PSD3: variants seen among roughly 807,000 people sequenced by gnomAD.
PSD3 encodes PH and SEC7 domain-containing protein 3.
PSD3 carries 49 observed loss-of-function variants against 105.5 expected under a neutral mutation model. The observed-to-expected ratio is 0.46, with a 90% confidence interval of 0.37 to 0.59. The LOEUF (loss-of-function observed/expected upper bound fraction) is 0.59, where lower values mean the gene tolerates loss of function less well. Ranked by LOEUF, PSD3 falls within the 20% of genes least tolerant of loss-of-function variation. The probability of loss-of-function intolerance (pLI) is 0.00; values close to 1 mark genes in which losing one functional copy is unlikely to be tolerated. For missense variants in PSD3, 1,561 were observed against 1,263.8 expected (o/e 1.24, Z -3.57); for synonymous variants, 557 against 457.8 (o/e 1.22, Z -2.77).
chr8:18,806,453 T>A (rs1429333250), intron 4 of PSD3, among the ~76,000 whole-genome samples: 17 of 152,198 alleles, frequency 1.1e-4, no homozygotes, highest in Non-Finnish European at 1.5e-4. Context: ...ACAGTGAAAC[T>A]AATGAGGATA....
intron 14 of PSD3, among the ~76,000 whole-genome samples, chr8:18,569,485 G>A (rs1274002490): frequency 6.7e-6 from 1 of 149,188 alleles, no homozygotes; most frequent in African/African-American, 2.5e-5. Flanking sequence ...GCCAAATCAT[G>A]AGTGAACTCC....
intron 12 of PSD3, among the ~76,000 whole-genome samples, chr8:18,599,787 T>C (rs1408618499): frequency 6.6e-6 from 1 of 152,148 alleles, no homozygotes; most frequent in Non-Finnish European, 1.5e-5. Flanking sequence ...CTTGAGTATG[T>C]GGGGACTTTG....
At chr8:18,615,581 C>T (rs1463547664) in intron 11 of PSD3, among the ~76,000 whole-genome samples, 6 of 152,230 alleles carry the variant, frequency 3.9e-5, no homozygotes, top group South Asian at 2.1e-4. Context: ...TTGATAAGTT[C>T]GTTTATGTGA....
chr8:18,949,246 T>A (rs10095290), intron 1 of PSD3, among the ~76,000 whole-genome samples: 1,815 of 34,578 alleles, frequency 0.052, 49 homozygotes, highest in African/African-American at 0.084. Context: ...AAAAAAAAAA[T>A]ATATATATAT....
At chr8:18,742,515 CAT>C (rs1804655520) in intron 9 of PSD3, among the ~76,000 whole-genome samples, 2 of 152,096 alleles carry the variant, frequency 1.3e-5, no homozygotes, top group Admixed American at 6.6e-5. Flanking sequence ...TCTTTGAAAA[CAT>C]GTAGTTATTT....
chr8:18,806,247 T>C (rs1376723021), intron 4 of PSD3, among the ~76,000 whole-genome samples: 5 of 152,186 alleles, frequency 3.3e-5, no homozygotes, highest in African/African-American at 4.8e-5. Flanking sequence ...ACCTCCACTA[T>C]TGTTTTTGCA....
chr8:18,966,241 C>G (rs73588669), intron 1 of PSD3, among the ~76,000 whole-genome samples: 10,616 of 152,172 alleles, frequency 0.07, 894 homozygotes, highest in African/African-American at 0.2. Flanking sequence ...CCACTTCTCA[C>G]AGAGTTTCCA....
chr8:18,681,851 T>C (rs1164145052), intron 9 of PSD3, among the ~76,000 whole-genome samples: 3 of 152,146 alleles, frequency 2.0e-5, no homozygotes, highest in African/African-American at 4.8e-5. Context: ...TGAACACATA[T>C]TCTGTAACTT....
intron 1 of PSD3, among the ~76,000 whole-genome samples, chr8:18,946,627 C>T (rs377134853): frequency 1.7e-4 from 26 of 150,634 alleles, no homozygotes; most frequent in East Asian, 9.9e-4. Flanking sequence ...TTTCCAGGCA[C>T]GGTGGCTCAC....
At chr8:18,774,953 G>A (rs550180465) in intron 8 of PSD3, 109 of 456,060 alleles carry the variant, frequency 2.4e-4, no homozygotes, top group African/African-American at 1.0e-3. Context: ...CAAATGCCCC[G>A]AGGGAAAGAG....
chr8:18,613,680 A>G (rs1243063058), intron 11 of PSD3, among the ~76,000 whole-genome samples: 7 of 152,136 alleles, frequency 4.6e-5, no homozygotes, highest in Non-Finnish European at 4.4e-5. Flanking sequence ...TCTCTGCTCA[A>G]ATGTTATCTG....
At chr8:18,895,207 C>A (rs1348568884) in intron 2 of PSD3, among the ~76,000 whole-genome samples, 1 of 152,150 alleles carries the variant, frequency 6.6e-6, no homozygotes, top group Non-Finnish European at 1.5e-5. Flanking sequence ...TCCAGAGAAG[C>A]AGAATACAGC....
At chr8:18,602,918 G>T (rs1490835468) in intron 11 of PSD3, among the ~76,000 whole-genome samples, 1 of 152,180 alleles carries the variant, frequency 6.6e-6, no homozygotes, top group Non-Finnish European at 1.5e-5. Flanking sequence ...TGATTTCACA[G>T]CACGTGTGTT....
chr8:18,558,402 A>G (rs1801204939), intron 14 of PSD3, among the ~76,000 whole-genome samples: 1 of 152,362 alleles, frequency 6.6e-6, no homozygotes, highest in African/African-American at 2.4e-5. Flanking sequence ...TATGAAAAAC[A>G]CCCATGAATC....
At chr8:18,572,785 C>G (rs1802223019) in intron 13 of PSD3, 113 bp from the exon 14 acceptor site, 18 of 1,184,392 alleles carry the variant, frequency 1.5e-5, no homozygotes, top group Non-Finnish European at 2.1e-5. Flanking sequence ...TTTACTCCTC[C>G]TGGTACAACT....
intron 8 of PSD3, among the ~76,000 whole-genome samples, chr8:18,787,824 A>G (rs1809323841): frequency 6.6e-6 from 1 of 152,238 alleles, no homozygotes; most frequent in African/African-American, 2.4e-5. Context: ...TGTTTAATAC[A>G]TTCCCATAAA....
chr8:18,609,688 G>T (rs1805109831), intron 11 of PSD3, among the ~76,000 whole-genome samples: 1 of 152,172 alleles, frequency 6.6e-6, no homozygotes, highest in African/African-American at 2.4e-5. Flanking sequence ...ACTCACGCAG[G>T]GAGGAGTCTG....
intron 4 of PSD3, among the ~76,000 whole-genome samples, chr8:18,817,862 T>A (rs1288601135): frequency 6.6e-6 from 1 of 152,194 alleles, no homozygotes; most frequent in Non-Finnish European, 1.5e-5. Context: ...AATGCAGCGG[T>A]GAAGAGGGGA....
chr8:18,601,142 T>C (rs1381880881), intron 11 of PSD3, among the ~76,000 whole-genome samples: 1 of 152,176 alleles, frequency 6.6e-6, no homozygotes, highest in Non-Finnish European at 1.5e-5. Context: ...TCCAAAATAA[T>C]TAATTATTTC....
Sources: gnomAD v4.1 joint callset for allele counts (sites outside exome capture counted in the v4.1 genomes callset) on GRCh38, gnomAD v4.1.1 for gene constraint, MANE v1.5 for transcripts, NCBI Gene and HGNC (gene_info 2026-07-23, HGNC 2026-07-21) for gene names.